Variants in ASPRV1 observed in about 807,000 individuals in gnomAD.
ASPRV1 encodes retroviral-like aspartic protease 1.
ASPRV1 carries 7 observed loss-of-function variants against 11.0 expected under a neutral mutation model. The observed-to-expected ratio is 0.64, with a 90% CI of 0.36 to 1.20. ASPRV1 has a LOEUF of 1.20. ASPRV1 is among the 50% of genes most tolerant of loss of function. The probability of loss-of-function intolerance (pLI) is 0.02; values close to 1 mark genes in which losing one functional copy is unlikely to be tolerated. For synonymous variants in ASPRV1, 136 were observed against 138.4 expected, an observed-to-expected ratio of 0.98 and a Z score of 0.12; for missense variants, 299 against 320.0, an observed-to-expected ratio of 0.93 and a Z score of 0.50.
rs1218649682 is a variant in ASPRV1 at position 69,961,079 on chromosome 2, T to C, written c.358A>G (p.Lys120Glu). The change falls in exon 1 of 1, where the codon AAA becomes GAA. Residue 120 changes from lysine (K) to glutamate (E), a missense_variant. Transcript: ENST00000320256. ...TCCACCAGGAACCTCACGGGCACTT[T>C]GCCAATCTTCCCCTTGAGATAGTAG... is the stretch of plus-strand genomic sequence containing the variant. ...KGYYLKGKIG[K>E]VPVRFLVDSG... The C allele has an allele frequency of 3.7e-6, 6 of 1,613,642 alleles. No homozygotes were observed. The highest frequency in any genetic ancestry group is 2.2e-5 in the East Asian group (1 of 44,856).
chr2:69,949,486 C>G, the ASPRV1 span, among the ~76,000 whole-genome samples: 1 of 152,070 alleles, frequency 6.6e-6, no homozygotes, highest in Non-Finnish European at 1.5e-5. Context: ...CAGAAAATAC[C>G]CGGGTTTTGG....
chr2:70,055,095 G>C, the ASPRV1 span, among the ~76,000 whole-genome samples: 1 of 152,170 alleles, frequency 6.6e-6, no homozygotes, highest in Non-Finnish European at 1.5e-5. Flanking sequence ...CTGAGGTCAG[G>C]AGTTTGAGAC....
the ASPRV1 span, chr2:70,054,308 GT>G: frequency 9.0e-6 from 1 of 110,552 alleles, no homozygotes; most frequent in African/African-American, 3.6e-5. Context: ...TAAAAAATAG[GT>G]GGGCGCGGTG....
chr2:69,937,083 G>A, the ASPRV1 span: 18 of 1,004,392 alleles, frequency 1.8e-5, no homozygotes, highest in Non-Finnish European at 2.7e-5. Context: ...CTGGCCAGTC[G>A]ACTTCCTGTC....
At chr2:70,049,111 A>G in the ASPRV1 span, 6 of 151,114 alleles carry the variant, frequency 4.0e-5, no homozygotes, top group Non-Finnish European at 7.4e-5. Flanking sequence ...ATATGTATAC[A>G]TGTGCCATGC....
chr2:70,072,701 G>A, the ASPRV1 span, among the ~76,000 whole-genome samples: 3 of 151,802 alleles, frequency 2.0e-5, no homozygotes, highest in Non-Finnish European at 2.9e-5. Context: ...TGTCCTGGGC[G>A]ACAGAGCAAG....
the ASPRV1 span, among the ~76,000 whole-genome samples, chr2:70,003,512 T>C: frequency 6.6e-6 from 1 of 152,282 alleles, no homozygotes; most frequent in South Asian, 2.1e-4. Flanking sequence ...TGAAGAAAGA[T>C]TCCACACAGC....
chr2:69,965,777 C>G (rs957224947), upstream of ASPRV1, among the ~76,000 whole-genome samples: 1 of 152,202 alleles, frequency 6.6e-6, no homozygotes, highest in African/African-American at 2.4e-5. Context: ...ACGGGCAGGA[C>G]AGCTTGACCT....
the ASPRV1 span, among the ~76,000 whole-genome samples, chr2:69,972,130 C>T: frequency 2.6e-5 from 4 of 151,750 alleles, no homozygotes; most frequent in East Asian, 1.9e-4. Context: ...GGCGCGATCT[C>T]GGCTCACTGC....
chr2:69,964,436 A>G (rs1020391278), upstream of ASPRV1: 11 of 419,286 alleles, frequency 2.6e-5, no homozygotes, highest in Admixed American at 1.4e-4. Flanking sequence ...GGCTAGGATC[A>G]GGAACATGGG....
chr2:70,074,852 C>G, the ASPRV1 span, among the ~76,000 whole-genome samples: 1 of 151,406 alleles, frequency 6.6e-6, no homozygotes, highest in African/African-American at 2.4e-5. Flanking sequence ...CGCAGTGGCT[C>G]ACGCCTATAA....
the ASPRV1 span, among the ~76,000 whole-genome samples, chr2:69,982,036 TATCCATCCATCCATCCATCCATCCATCC>T: frequency 4.7e-5 from 7 of 149,024 alleles, no homozygotes; most frequent in Non-Finnish European, 7.4e-5. Context: ...CCCTCTCATC[TATCCATCCATCCATCCATCCATCCATCC>T]ATCCATCCAT....
At chr2:70,007,824 T>C in the ASPRV1 span, among the ~76,000 whole-genome samples, 1 of 151,998 alleles carries the variant, frequency 6.6e-6, no homozygotes, top group African/African-American at 2.4e-5. Context: ...TCTCCTACTA[T>C]GAGTATGTAT....
chr2:70,045,336 C>CA, the ASPRV1 span: 1 of 151,730 alleles, frequency 6.6e-6, no homozygotes, highest in Non-Finnish European at 1.5e-5. Flanking sequence ...TGCCCATGTG[C>CA]AAAAAATGGG....
At chr2:70,037,972 G>C in the ASPRV1 span, among the ~76,000 whole-genome samples, 25 of 152,076 alleles carry the variant, frequency 1.6e-4, no homozygotes, top group African/African-American at 5.6e-4. Context: ...TCTGTTTCTG[G>C]ATTTTCTAAT....
the ASPRV1 span, among the ~76,000 whole-genome samples, chr2:70,025,611 C>T: frequency 6.6e-6 from 1 of 152,180 alleles, no homozygotes; most frequent in East Asian, 1.9e-4. Flanking sequence ...CAATGATTTA[C>T]TCCTGGACTG....
At chr2:70,067,557 G>T in the ASPRV1 span, among the ~76,000 whole-genome samples, 1 of 152,180 alleles carries the variant, frequency 6.6e-6, no homozygotes, top group African/African-American at 2.4e-5. Context: ...GCACCAAAAA[G>T]AATGAGATAT....
chr2:70,029,458 G>A, the ASPRV1 span, among the ~76,000 whole-genome samples: 1 of 152,046 alleles, frequency 6.6e-6, no homozygotes, highest in African/African-American at 2.4e-5. Flanking sequence ...GGCCAACATG[G>A]TGAAACCCCA....
the ASPRV1 span, among the ~76,000 whole-genome samples, chr2:70,012,992 T>C: frequency 6.6e-6 from 1 of 152,240 alleles, no homozygotes; most frequent in Non-Finnish European, 1.5e-5. Flanking sequence ...AGATTTAAAA[T>C]TTTGGAAAAT....
Sources: allele counts gnomAD v4.1 joint callset (sites outside exome capture counted in the v4.1 genomes callset), GRCh38; gene constraint gnomAD v4.1.1; transcripts MANE v1.5; gene names NCBI Gene and HGNC (gene_info 2026-07-23, HGNC 2026-07-21).